The following UNC13C variants were observed in gnomAD, a reference collection of about 807,000 sequenced individuals.
The protein encoded by UNC13C is unc-13 homolog C, also known as protein unc-13 homolog C.
A neutral mutation model predicts 245.4 loss-of-function variants in UNC13C; 174 were observed. The observed-to-expected ratio is 0.71, with a 90% CI of 0.63 to 0.80. The LOEUF is 0.80. Among genes scored for constraint, UNC13C ranks in the 30% least tolerant of loss-of-function variants. The pLI is 0.00. For missense variants in UNC13C, 2,829 were observed against 2,602.9 expected (o/e 1.09, Z -1.89); for synonymous variants, 992 against 895.1 (o/e 1.11, Z -1.93).
intron 17 of UNC13C, among the ~76,000 whole-genome samples, chr15:54,349,993 CTT>C (rs533725018): frequency 1.4e-5 from 2 of 145,960 alleles, no homozygotes; most frequent in African/African-American, 2.5e-5. Flanking sequence ...TAATATTTTC[CTT>C]TTTTTTTTTT....
At chr15:53,854,481 A>T in the UNC13C span, among the ~76,000 whole-genome samples, 3 of 152,180 alleles carry the variant, frequency 2.0e-5, no homozygotes, top group Admixed American at 1.3e-4. Flanking sequence ...ATATGGTGTA[A>T]GGAAGGGGTC....
intron 28 of UNC13C, 36 bp downstream of exon 28, chr15:54,549,727 G>T (rs1235471233): frequency 1.4e-6 from 2 of 1,427,200 alleles, no homozygotes; most frequent in Admixed American, 3.7e-5. Flanking sequence ...TTCATGGAAA[G>T]TAGTGAGTTA....
At chr15:53,965,563 TTTATTTA>T in the UNC13C span, among the ~76,000 whole-genome samples, 11 of 130,612 alleles carry the variant, frequency 8.4e-5, no homozygotes, top group Non-Finnish European at 1.4e-4. Flanking sequence ...TATTTATTTA[TTTATTTA>T]TTATTATTAT....
chr15:54,511,255 ACAGGTTAAAGC>A (rs1202819742), intron 23 of UNC13C, among the ~76,000 whole-genome samples: 1 of 152,202 alleles, frequency 6.6e-6, no homozygotes, highest in Non-Finnish European at 1.5e-5. Flanking sequence ...GAAGAAAAAC[ACAGGTTAAAGC>A]CAGAAGAAAA....
At chr15:54,017,483 C>CGT (rs1895712402) in intron 2 of UNC13C, among the ~76,000 whole-genome samples, 1 of 128,092 alleles carries the variant, frequency 7.8e-6, no homozygotes, top group Non-Finnish European at 1.7e-5. Flanking sequence ...AGTGCATGAG[C>CGT]ATGTGTGTGT....
At chr15:54,168,017 A>G (rs1212388260) in intron 4 of UNC13C, among the ~76,000 whole-genome samples, 1 of 152,224 alleles carries the variant, frequency 6.6e-6, no homozygotes, top group African/African-American at 2.4e-5. Context: ...GGAGAAAGGG[A>G]GAACTATCCT....
At chr15:53,967,295 T>A in the UNC13C span, among the ~76,000 whole-genome samples, 1 of 151,586 alleles carries the variant, frequency 6.6e-6, no homozygotes, top group Non-Finnish European at 1.5e-5. Context: ...CTTACTTTTT[T>A]ATAAAATGAG....
At chr15:54,428,534 A>T (rs1405884888) in intron 19 of UNC13C, among the ~76,000 whole-genome samples, 1 of 151,532 alleles carries the variant, frequency 6.6e-6, no homozygotes, top group African/African-American at 2.4e-5. Flanking sequence ...AGCCACCCTC[A>T]ATCTATCAGC....
chr15:54,050,029 G>C (rs1159173819), intron 2 of UNC13C: 1 of 290,056 alleles, frequency 3.4e-6, no homozygotes, highest in Non-Finnish European at 6.9e-6. Flanking sequence ...GAGTGCAGTG[G>C]CGTGACCTCG....
intron 16 of UNC13C, among the ~76,000 whole-genome samples, chr15:54,334,733 C>G (rs186461926): frequency 1.2e-3 from 182 of 152,222 alleles, no homozygotes; most frequent in African/African-American, 4.2e-3. Context: ...CAATTCTAAT[C>G]TACTGTCAGT....
chr15:54,339,757 G>A (rs1339343330), intron 17 of UNC13C, among the ~76,000 whole-genome samples: 1 of 152,050 alleles, frequency 6.6e-6, no homozygotes, highest in Non-Finnish European at 1.5e-5. Context: ...ACCTGCATGT[G>A]CAAGTATCTT....
intron 21 of UNC13C, 142 bp downstream of exon 21, chr15:54,500,317 A>T (rs604124): frequency 0.13 from 87,523 of 680,036 alleles, 6,286 homozygotes; most frequent in Non-Finnish European, 0.16. Context: ...ACACAATTTC[A>T]GTGGTCTGGT....
intron 18 of UNC13C, among the ~76,000 whole-genome samples, chr15:54,393,507 A>T (rs908109743): frequency 6.6e-6 from 1 of 151,892 alleles, no homozygotes; most frequent in Non-Finnish European, 1.5e-5. Flanking sequence ...CCCCAAAACT[A>T]AAAATAATTT....
intron 12 of UNC13C, among the ~76,000 whole-genome samples, chr15:54,298,805 T>C (rs2037501483): frequency 6.6e-6 from 1 of 152,200 alleles, no homozygotes; most frequent in Non-Finnish European, 1.5e-5. Context: ...CTGAGGAATG[T>C]ACTCTTCTTC....
At chr15:54,127,652 C>T (rs2031135742) in intron 2 of UNC13C, among the ~76,000 whole-genome samples, 1 of 150,134 alleles carries the variant, frequency 6.7e-6, no homozygotes. Flanking sequence ...ACATGTATAC[C>T]TATGTAACAA....
chr15:54,033,291 GAAAATGCA>G (rs1366848977), intron 2 of UNC13C, among the ~76,000 whole-genome samples: 8 of 152,056 alleles, frequency 5.3e-5, no homozygotes, highest in African/African-American at 1.9e-4. Flanking sequence ...ATAAAAAGCT[GAAAATGCA>G]AAACATAAAG....
intron 2 of UNC13C, among the ~76,000 whole-genome samples, chr15:54,076,718 A>G (rs941522090): frequency 3.3e-5 from 5 of 152,138 alleles, no homozygotes; most frequent in Admixed American, 6.5e-5. Context: ...CCCACCACCC[A>G]ACACACAAAT....
chr15:54,532,279 A>G (rs1258924817), intron 25 of UNC13C, among the ~76,000 whole-genome samples: 3 of 152,116 alleles, frequency 2.0e-5, no homozygotes, highest in Non-Finnish European at 4.4e-5. Flanking sequence ...GCAATTCCTC[A>G]AAGACCTAAA....
At chr15:54,230,313 G>A (rs2035514423) in intron 4 of UNC13C, among the ~76,000 whole-genome samples, 1 of 151,832 alleles carries the variant, frequency 6.6e-6, no homozygotes, top group African/African-American at 2.4e-5. Flanking sequence ...TTTCATTGTG[G>A]TTTAATTTTG....
Sources: gnomAD v4.1 joint callset for allele counts (sites outside exome capture counted in the v4.1 genomes callset) on GRCh38, gnomAD v4.1.1 for gene constraint, MANE v1.5 for transcripts, NCBI Gene and HGNC (gene_info 2026-07-23, HGNC 2026-07-21) for gene names.